MKI67: variants seen among roughly 807,000 people sequenced by gnomAD.
MKI67 encodes marker of proliferation Ki-67.
In MKI67, 152 loss-of-function variants were observed where a neutral mutation model predicts 233.5. The ratio of observed to expected loss-of-function variants is 0.65; its 90% CI spans 0.57 to 0.74. MKI67 has a LOEUF of 0.74. MKI67 is among the 30% of genes least tolerant of loss of function. The pLI is 0.00. For missense variants in MKI67, 3,940 were observed against 3,885.2 expected, an observed-to-expected ratio of 1.01 and a Z score of -0.37; for synonymous variants, 1,465 against 1,418.5, an observed-to-expected ratio of 1.03 and a Z score of -0.74.
In MKI67 at chr10:128,115,011, T is replaced by C; in HGVS notation, c.1397A>G (p.Lys466Arg). ...IQKDSLSKPE[K>R]LGTTAGQMCS... The stretch of plus-strand genomic sequence containing the variant: ...CATCTGTCCAGCTGTAGTGCCCAAT[T>C]TCTCAGGCTTGCTGAGGGAATCCTT... Residue 466 changes from lysine (K) to arginine (R), a missense_variant, in exon 7 of 15, where the codon AAA (lysine) becomes AGA (arginine). By Grantham distance (26) the Lys-to-Arg change is conservative. Coordinates refer to ENST00000368654, the MANE Select transcript of MKI67 (RefSeq NM_002417.5). The C allele has an allele frequency of 6.2e-7, 1 of 1,610,798 alleles. No homozygotes were observed. Among genetic ancestry groups the C allele is most frequent in the South Asian group, 1.1e-5 (1 of 91,076 alleles).
intron 7 of MKI67, 117 bp from the exon 8 acceptor site, chr10:128,113,719 T>A: frequency 1.2e-6 from 1 of 853,010 alleles, no homozygotes; most frequent in Non-Finnish European, 1.8e-6. Context: ...ACACAGTACC[T>A]ACAGCACGCC....
intron 2 of MKI67, among the ~76,000 whole-genome samples, chr10:128,124,433 G>A (rs188926850): frequency 1.3e-5 from 2 of 152,258 alleles, no homozygotes; most frequent in African/African-American, 4.8e-5. Flanking sequence ...CGATGACAGC[G>A]CATGCCCCTG....
Position 128,119,932 on chromosome 10 carries a change from A to G in MKI67, c.288-613T>C, listed in dbSNP as rs1442637960. Among the ~76,000 whole-genome samples the G allele has an allele frequency of 3.3e-5, 5 of 152,240 alleles. No individual in the cohort carries two copies. In the East Asian group the frequency reaches 9.6e-4, roughly 29 times the overall value. On this transcript the variant is annotated intron_variant, in intron 4 of 14. Transcript: ENST00000368654. Reference sequence around the variant, plus strand: ...CCTGGCAAACCTCAGTGATCAAGTCATAGAAGCAATCCTTTATTTTGCATA... The same window carrying G: ...CCTGGCAAACCTCAGTGATCAAGTCGTAGAAGCAATCCTTTATTTTGCATA...
In MKI67 at chr10:128,111,906, G is replaced by A. The variant is rs201083554; in HGVS notation, c.2088+21C>T. The stretch of plus-strand genomic sequence containing the variant: ...CGATGACACCGGTATGTGTAAAGCA[G>A]CCATTCAGTGAGGCCCCTACCTTTG... On this transcript the variant is annotated intron_variant, in intron 10 of 14. Transcript: ENST00000368654. The A allele has an allele frequency of 3.6e-5, 58 of 1,605,034 alleles. 1 individual carries two copies. In the African/African-American group the frequency reaches 6.3e-4, roughly 17 times the overall value.
At chr10:128,119,644 G>A (rs1188224788) in intron 4 of MKI67, among the ~76,000 whole-genome samples, 1 of 152,180 alleles carries the variant, frequency 6.6e-6, no homozygotes, top group African/African-American at 2.4e-5. Context: ...TGAGAGCAAA[G>A]TCAAGTTTCT....
chr10:128,111,854 G>C (rs371060767), intron 10 of MKI67, 38 bp from the exon 11 acceptor site: 2 of 1,609,506 alleles, frequency 1.2e-6, no homozygotes, highest in Non-Finnish European at 1.7e-6. Context: ...GGACATTAAA[G>C]CATAAATCCA....
In MKI67 at chr10:128,126,088, C is replaced by T. The variant is rs2136154758; in HGVS notation, c.-90+11G>A. The stretch of plus-strand genomic sequence containing the variant: ...CCCGGACAGCTCCCAGGAGTCCCGG[C>T]CGCAGCTCACCTGGGACGATCCGGC... On this transcript the variant is annotated intron_variant, in intron 1 of 14. Coordinates refer to ENST00000368654, the MANE Select transcript of MKI67 (RefSeq NM_002417.5). The T allele has an allele frequency of 9.9e-6, 2 of 201,380 alleles. No homozygotes were observed. Among genetic ancestry groups the T allele is most frequent in the Middle Eastern group, 4.1e-3 (2 of 484 alleles). 12.5% of individuals were successfully genotyped at this position (201,380 alleles called of 1,614,324 possible).
chr10:128,114,007 G>T (rs1852738709), intron 7 of MKI67, among the ~76,000 whole-genome samples: 1 of 152,076 alleles, frequency 6.6e-6, no homozygotes. Context: ...TCCTCCAGGT[G>T]GTTCTGAGTC....
At chr10:128,120,380 T>C (rs886321617) in intron 4 of MKI67, among the ~76,000 whole-genome samples, 1 of 151,988 alleles carries the variant, frequency 6.6e-6, no homozygotes, top group Non-Finnish European at 1.5e-5. Flanking sequence ...TAATCCCAGC[T>C]ACTTGGTAGG....
In MKI67 at chr10:128,101,289, C is replaced by A. The variant is rs1852327365; in HGVS notation, c.9674G>T (p.Ser3225Ile). 1.2e-6 allele frequency: 2 copies of A among 1,614,092 alleles called. No homozygotes were observed. Among genetic ancestry groups the A allele is most frequent in the African/African-American group, 2.7e-5 (2 of 74,946 alleles). The change falls in exon 14 of 15, where the codon AGT (serine) becomes ATT (isoleucine). Residue 3225 changes from serine (S) to isoleucine (I), a missense_variant. Ser to Ile is a moderately radical substitution (Grantham distance 142, BLOSUM62 -2). Transcript: ENST00000368654. ...TGGATTTTCTGCACACCTCTTGACA[C>A]TCCGCGTTACTCTCTGCACAGATTT... ...ESKSVQRVTR[S>I]VKRCAENPKK...
At position 128,102,809 on chromosome 10, in the gene MKI67, T is replaced by C; in HGVS notation, c.9031A>G (p.Arg3011Gly). 2.5e-6 allele frequency: 4 copies of C among 1,614,242 alleles called. No individual in the cohort carries two copies. The highest frequency in any genetic ancestry group is 2.5e-6 in the Non-Finnish European group (3 of 1,180,046). ...TCTGGTGCTGGCATGCAGCGCAGCCTCTTGGTTCCCGTGACGCTTCCATCT... is the reference window on the plus strand; with the variant it reads ...TCTGGTGCTGGCATGCAGCGCAGCCCCTTGGTTCCCGTGACGCTTCCATCT... ...GKDGSVTGTK[R>G]LRCMPAPEEI... The change falls in exon 13 of 15, where the codon AGG becomes GGG. Residue 3011 changes from arginine (R) to glycine (G), a missense_variant. By Grantham distance (125) the Arg-to-Gly change is moderately radical (BLOSUM62 -2). Coordinates refer to ENST00000368654, the MANE Select transcript of MKI67 (RefSeq NM_002417.5).
intron 12 of MKI67, among the ~76,000 whole-genome samples, chr10:128,109,687 G>A (rs1196650921): frequency 6.6e-6 from 1 of 152,288 alleles, no homozygotes; most frequent in East Asian, 1.9e-4. Context: ...GCTTCAGAAG[G>A]TTCCTCCAAA....
chr10:128,102,443 G>T (rs1435523682), intron 13 of MKI67, 136 bp downstream of exon 13: 5 of 1,041,252 alleles, frequency 4.8e-6, no homozygotes, highest in African/African-American at 4.8e-5. Context: ...ACCATGGCCT[G>T]CAGTTATTCA....
At chr10:128,117,254 T>C (rs2184477) in intron 5 of MKI67, among the ~76,000 whole-genome samples, 149,436 of 152,370 alleles carry the variant, frequency 0.98, 73,295 homozygotes, top group East Asian at 1. Flanking sequence ...AGTTTTCTCA[T>C]AAATGGGCCA....
rs1852391691 is a variant in MKI67 at position 128,103,439 on chromosome 10, C to T, written c.8401G>A (p.Ala2801Thr). The change falls in exon 13 of 15, where the codon GCT (alanine) becomes ACT (threonine). Residue 2801 changes from alanine (A) to threonine (T), a missense_variant. Transcript: ENST00000368654. Reference sequence around the variant, plus strand: ...CCTGCTGCTGGGTCTTTGAAGCCAGCTAGGTCTTCTATGGCTTGGGCACTT... The same window carrying T: ...CCTGCTGCTGGGTCTTTGAAGCCAGTTAGGTCTTCTATGGCTTGGGCACTT... ...RESAQAIEDLAGFKDPAAGHT... is the reference protein window; with the variant it reads ...RESAQAIEDLTGFKDPAAGHT... 4 of 1,613,824 alleles carry T rather than the reference C, an allele frequency of 2.5e-6. No individual in the cohort carries two copies. The highest frequency in any genetic ancestry group is 3.4e-6 in the Non-Finnish European group (4 of 1,179,920).
At chr10:128,121,901 G>A (rs923863952) in intron 4 of MKI67, among the ~76,000 whole-genome samples, 1 of 151,978 alleles carries the variant, frequency 6.6e-6, no homozygotes, top group Non-Finnish European at 1.5e-5. Context: ...AGGCACAAAT[G>A]TATACATTCT....
chr10:128,108,591 A>G lies in MKI67; in HGVS notation c.3249T>C (p.Thr1083=). 6.2e-7 allele frequency: 1 copy of G among 1,614,122 alleles called. No individual in the cohort carries two copies. Among genetic ancestry groups the G allele is most frequent in the Non-Finnish European group, 8.5e-7 (1 of 1,180,024 alleles). ...GCGTTCTTGGCCACTTCTTCATTCC[A>G]GTTACACGGGCTGCTGGGTCCAGGA... is the stretch of plus-strand genomic sequence containing the variant. The part of the protein sequence containing the change: ...KQILDPAARV[T]GMKKWPRTPK... Residue 1083 remains threonine, a synonymous_variant, in exon 13 of 15, where the codon ACT becomes ACC. Coordinates refer to ENST00000368654, the MANE Select transcript of MKI67 (RefSeq NM_002417.5).
chr10:128,110,589 C>A (rs1420172270), intron 11 of MKI67, 56 bp from the exon 12 acceptor site: 4 of 1,377,778 alleles, frequency 2.9e-6, no homozygotes, highest in East Asian at 2.4e-5. Flanking sequence ...TGCAGACAAC[C>A]ATCCCAGCCC....
Position 128,120,423 on chromosome 10 carries a change from C to T in MKI67, c.288-1104G>A, listed in dbSNP as rs188954947. Among the ~76,000 whole-genome samples the T allele has an allele frequency of 7.4e-3, 1,128 of 152,000 alleles. 20 individuals carry two copies. The highest frequency in any genetic ancestry group is 0.026 in the African/African-American group (1,060 of 41,444). ...ATGAGAATCACTTGAACCCGGGAGGCGGAGGTTGCAGTGAGCCAAGATCAC... is the reference window on the plus strand; with the variant it reads ...ATGAGAATCACTTGAACCCGGGAGGTGGAGGTTGCAGTGAGCCAAGATCAC... On this transcript the variant is annotated intron_variant, in intron 4 of 14. Transcript: ENST00000368654.
Sources: gnomAD v4.1 joint callset for allele counts (sites outside exome capture counted in the v4.1 genomes callset) on GRCh38, gnomAD v4.1.1 for gene constraint, MANE v1.5 for transcripts, NCBI Gene and HGNC (gene_info 2026-07-23, HGNC 2026-07-21) for gene names.